The following LGSN variants were observed in gnomAD, a reference collection of about 807,000 sequenced individuals.
LGSN encodes the protein lengsin, lens protein with glutamine synthetase domain, also known as lengsin.
In LGSN, 21 loss-of-function variants were observed where a neutral mutation model predicts 19.5. The observed-to-expected ratio is 1.07, with a 90% CI of 0.76 to 1.55. LGSN has a LOEUF of 1.55. Ranked by LOEUF, LGSN falls within the 40% of genes most tolerant of loss-of-function variation. The pLI, the probability that LGSN is intolerant of heterozygous loss-of-function variation, is 0.00. For synonymous variants in LGSN, 257 were observed against 215.6 expected, an observed-to-expected ratio of 1.19 and a Z score of -1.68; for missense variants, 673 against 608.5, an observed-to-expected ratio of 1.11 and a Z score of -1.12.
At chr6:63,509,714 T>C in the LGSN span, among the ~76,000 whole-genome samples, 2 of 152,218 alleles carry the variant, frequency 1.3e-5, no homozygotes, top group Admixed American at 1.3e-4. Context: ...TAATACGTTA[T>C]AACAGTAAAA....
the LGSN span, among the ~76,000 whole-genome samples, chr6:63,537,868 G>T: frequency 2.6e-5 from 4 of 151,950 alleles, no homozygotes; most frequent in Non-Finnish European, 4.4e-5. Flanking sequence ...GGCCACGGCC[G>T]TAGTGAGAGA....
chr6:63,482,828 A>G, the LGSN span, among the ~76,000 whole-genome samples: 81,539 of 151,896 alleles, frequency 0.54, 23,719 homozygotes, highest in African/African-American at 0.77. Flanking sequence ...AGCCTTCCGA[A>G]TAGCTGGGAC....
chr6:63,348,740 AC>A, the LGSN span, among the ~76,000 whole-genome samples: 2 of 135,708 alleles, frequency 1.5e-5, no homozygotes, highest in Middle Eastern at 3.8e-3. Flanking sequence ...GAAGATTTTT[AC>A]TTTTTTTTTT....
the LGSN span, among the ~76,000 whole-genome samples, chr6:63,379,574 T>C: frequency 2.0e-4 from 31 of 152,302 alleles, no homozygotes; most frequent in Non-Finnish European, 3.7e-4. Context: ...GATTAATATT[T>C]GTATGATGTG....
At chr6:63,444,177 A>G in the LGSN span, among the ~76,000 whole-genome samples, 1 of 152,128 alleles carries the variant, frequency 6.6e-6, no homozygotes, top group Non-Finnish European at 1.5e-5. Context: ...GTATTCACTC[A>G]TTTAATCTTC....
chr6:63,323,559 TACACAC>T (rs58400159), upstream of LGSN, among the ~76,000 whole-genome samples: 5,840 of 132,790 alleles, frequency 0.044, 276 homozygotes, highest in African/African-American at 0.12. Flanking sequence ...AAACCTCATA[TACACAC>T]ACACACACAC....
the LGSN span, among the ~76,000 whole-genome samples, chr6:63,559,510 G>A: frequency 6.6e-6 from 1 of 152,122 alleles, no homozygotes; most frequent in Non-Finnish European, 1.5e-5. Flanking sequence ...ACTTTGGGAG[G>A]CCGAGGTGGG....
the LGSN span, among the ~76,000 whole-genome samples, chr6:63,508,561 A>C: frequency 6.6e-6 from 1 of 152,198 alleles, no homozygotes; most frequent in South Asian, 2.1e-4. Context: ...TATAAAGAAA[A>C]ATAAATGATT....
chr6:63,286,975 A>T (rs2127384166), intron 2 of LGSN, among the ~76,000 whole-genome samples: 1 of 152,348 alleles, frequency 6.6e-6, no homozygotes, highest in African/African-American at 2.4e-5. Flanking sequence ...TGTTATCATG[A>T]TCAAGTCTGC....
In LGSN at chr6:63,303,514, TA is replaced by T. The variant is rs946742247; in HGVS notation, c.31-8470del. On this transcript the variant is annotated intron_variant, in intron 1 of 3. Transcript: ENST00000370657. ...CTTGGTCAAAGGTACTGCAGACTGA[TA>T]ACAATCAGTTCCTCTTCCAATCAAA... is the stretch of plus-strand genomic sequence containing the variant. 1.8e-4 allele frequency among the ~76,000 whole-genome samples: 27 copies of T among 152,374 alleles called. 1 individual carries two copies. The highest frequency in any genetic ancestry group is 6.3e-4 in the African/African-American group (26 of 41,588).
At position 63,281,454 on chromosome 6, in the gene LGSN, C is replaced by T. The variant is rs142274945; in HGVS notation, c.331-234G>A. On this transcript the variant is annotated intron_variant, in intron 3 of 3. Coordinates refer to ENST00000370657, the MANE Select transcript of LGSN (RefSeq NM_016571.3). ...TTATAAACAATGCATTGTTTTAAGC[C>T]TTGAAGGCCTTATATGCTCTTAGAT... Among the ~76,000 whole-genome samples, 919 of 150,446 alleles carry T rather than the reference C, an allele frequency of 6.1e-3. 7 individuals are homozygous for T. The highest frequency in any genetic ancestry group is 0.021 in the African/African-American group (844 of 41,022).
chr6:63,546,050 A>G, the LGSN span, among the ~76,000 whole-genome samples: 1 of 151,352 alleles, frequency 6.6e-6, no homozygotes, highest in Admixed American at 6.6e-5. Flanking sequence ...TGAAATCAGT[A>G]TGTTGAAGAG....
the LGSN span, among the ~76,000 whole-genome samples, chr6:63,554,679 G>A: frequency 1.3e-5 from 2 of 152,092 alleles, no homozygotes; most frequent in Non-Finnish European, 2.9e-5. Context: ...CCCAGCTACT[G>A]GAGAGGCTGA....
chr6:63,412,778 AG>A, the LGSN span, among the ~76,000 whole-genome samples: 1 of 140,868 alleles, frequency 7.1e-6, no homozygotes, highest in African/African-American at 2.6e-5. Context: ...AAAGGAAGGA[AG>A]GGAAGGAAGG....
chr6:63,286,344 G>GT (rs555317544), intron 2 of LGSN, among the ~76,000 whole-genome samples: 10 of 151,872 alleles, frequency 6.6e-5, no homozygotes, highest in East Asian at 1.9e-4. Flanking sequence ...AAAAGTGTGG[G>GT]TTTTTTTTAA....
chr6:63,491,747 G>A, the LGSN span, among the ~76,000 whole-genome samples: 5 of 152,082 alleles, frequency 3.3e-5, no homozygotes, highest in Non-Finnish European at 7.4e-5. Flanking sequence ...ATTCACATAT[G>A]TGGCCGGGCG....
chr6:63,418,985 G>A, the LGSN span, among the ~76,000 whole-genome samples: 1 of 152,156 alleles, frequency 6.6e-6, no homozygotes, highest in African/African-American at 2.4e-5. Context: ...CCCCACTGGG[G>A]TGGTGCCAGA....
chr6:63,491,756 C>T, the LGSN span, among the ~76,000 whole-genome samples: 3 of 152,158 alleles, frequency 2.0e-5, no homozygotes, highest in Non-Finnish European at 4.4e-5. Flanking sequence ...TGTGGCCGGG[C>T]GCGGTGGCTC....
At chr6:63,404,970 A>C in the LGSN span, among the ~76,000 whole-genome samples, 2 of 93,016 alleles carry the variant, frequency 2.2e-5, no homozygotes, top group South Asian at 4.3e-4. Flanking sequence ...CCCACCCCAC[A>C]ACAGTCCCCA....
Sources: allele counts gnomAD v4.1 joint callset (sites outside exome capture counted in the v4.1 genomes callset), GRCh38; gene constraint gnomAD v4.1.1; transcripts MANE v1.5; gene names NCBI Gene and HGNC (gene_info 2026-07-23, HGNC 2026-07-21).